Variants in DNAJA4 observed in about 807,000 individuals in gnomAD.
DNAJA4 encodes the protein DnaJ heat shock protein family (Hsp40) member A4.
Under a neutral mutation model 39.7 loss-of-function variants are expected in DNAJA4, and 32 were observed. The observed-to-expected ratio is 0.81, with a 90% confidence interval of 0.61 to 1.08. The LOEUF is 1.08. Among genes scored for constraint, DNAJA4 ranks in the 50% least tolerant of loss-of-function variants. The pLI, the probability that DNAJA4 is intolerant of heterozygous loss-of-function variation, is 0.00. For synonymous variants in DNAJA4, 184 were observed against 182.4 expected, an observed-to-expected ratio of 1.01 and a Z score of -0.07; for missense variants, 439 against 505.1, an observed-to-expected ratio of 0.87 and a Z score of 1.25.
chr15:78,270,265 T>C, intron 1 of DNAJA4: 1 of 460,072 alleles, frequency 2.2e-6, no homozygotes, highest in East Asian at 3.7e-5. Context: ...CTCTCCCTTA[T>C]TCTTATCGTG....
chr15:78,280,184 A>C lies in DNAJA4; in HGVS notation c.978+39A>C, dbSNP rs367900015. On this transcript the variant is annotated intron_variant, in intron 6 of 6. Transcript: ENST00000394852. ...GTTTCATTGTCATGGACATATTATT[A>C]AATGCCTTAATTGGAAGGGGAAAAA... is the stretch of plus-strand genomic sequence containing the variant. The C allele has an allele frequency of 2.5e-6, 4 of 1,610,900 alleles. No individual in the cohort carries two copies. In the African/African-American group the frequency reaches 5.3e-5, roughly 22 times the overall value.
chr15:78,270,410 C>CT lies in DNAJA4; in HGVS notation c.133-86dup, dbSNP rs1265072927. 2.1e-6 allele frequency: 3 copies of CT among 1,413,812 alleles called. No individual in the cohort carries two copies. The African/African-American group carries it at 4.3e-5, about 20-fold the overall frequency. The allele number at this position is 1,413,812 out of a possible 1,614,324, so 87.6% of individuals were successfully genotyped here. On this transcript the variant is annotated intron_variant, in intron 1 of 6. Transcript: ENST00000394852. ...TCAAGGGTTTGGGGGCAGAATACCT[C>CT]TATTACTTTGTATGTTTATATGGCA...
intron 2 of DNAJA4, among the ~76,000 whole-genome samples, chr15:78,271,946 G>T (rs1883555022): frequency 6.6e-6 from 1 of 152,106 alleles, no homozygotes; most frequent in African/African-American, 2.4e-5. Context: ...TTGACTTTGA[G>T]CTTGAAAAAG....
At chr15:78,264,367 A>G (rs1257233151), upstream of DNAJA4, 1 of 1,448,184 alleles carries the variant, frequency 6.9e-7, no homozygotes, top group Non-Finnish European at 9.0e-7. Flanking sequence ...ACGGGCAGCC[A>G]AAGGAGCAGA....
At chr15:78,277,771 C>G in intron 5 of DNAJA4, 1 of 321,104 alleles carries the variant, frequency 3.1e-6, no homozygotes, top group Non-Finnish European at 6.1e-6. Context: ...GAGCCGGGAG[C>G]CAAATGGAGT....
chr15:78,270,512 C>T lies in DNAJA4; in HGVS notation c.148C>T (p.Gln50Ter), dbSNP rs1767173771. 1 of 1,613,270 alleles carries T rather than the reference C, an allele frequency of 6.2e-7. No individual in the cohort carries two copies. Residue 50 changes from glutamine to a stop codon, truncating the protein, a stop_gained, in exon 2 of 7, where the codon CAG becomes TAG. Transcript: ENST00000394852. LOFTEE classifies it high-confidence loss of function. ...DEGEKFKLIS[Q>*]AYEVLSDPKK... ...TCTTTTAAAGTTTAAACTCATATCC[C>T]AGGCATATGAAGTGCTTTCAGATCC...
chr15:78,270,710 T>C (rs372860013), intron 2 of DNAJA4, 33 bp downstream of exon 2: 43 of 1,601,178 alleles, frequency 2.7e-5, no homozygotes, highest in Non-Finnish European at 3.2e-5. Context: ...AAATAAGTTG[T>C]ATGGTTTCCA....
At position 78,274,259 on chromosome 15, in the gene DNAJA4, A is replaced by T; in HGVS notation, c.481A>T (p.Ile161Phe). 6.2e-7 allele frequency: 1 copy of T among 1,614,116 alleles called. No homozygotes were observed. The highest frequency in any genetic ancestry group is 8.5e-7 in the Non-Finnish European group (1 of 1,180,028). Reference protein sequence around the residue: ...CPLCKGRGMQIHIQQIGPGMV... With the variant: ...CPLCKGRGMQFHIQQIGPGMV... ...GCTGTGCAAGGGGCGGGGGATGCAG[A>T]TCCACATCCAGCAGATCGGGCCGGG... Residue 161 changes from isoleucine to phenylalanine, a missense_variant, in exon 4 of 7, where the codon ATC becomes TTC. Transcript: ENST00000394852.
In DNAJA4 at chr15:78,279,617, A is replaced by G. The variant is rs2049593928; in HGVS notation, c.878-428A>G. The G allele has an allele frequency of 1.2e-5, 2 of 168,720 alleles. No homozygotes were observed. The highest frequency in any genetic ancestry group is 1.3e-5 in the Non-Finnish European group (1 of 77,352). 10.5% of individuals were successfully genotyped at this position (168,720 alleles called of 1,614,324 possible). A position where few individuals can be genotyped will look rare whatever the true frequency, so the allele number is the denominator to read the frequency against. On this transcript the variant is annotated intron_variant, in intron 5 of 6. Coordinates refer to ENST00000394852, the MANE Select transcript of DNAJA4 (RefSeq NM_001130182.2). The surrounding 1 kb of genome is among the most constrained non-coding windows in gnomAD (Gnocchi z 4.5). Reference sequence around the variant, plus strand: ...AGCCAGTTTTTATGCCAGGCAGGGGACTGGTTGGACTCTATTGAGGCTTCT... The same window carrying G: ...AGCCAGTTTTTATGCCAGGCAGGGGGCTGGTTGGACTCTATTGAGGCTTCT...
Position 78,280,390 on chromosome 15 carries a change from G to C in DNAJA4, c.1124G>C (p.Arg375Pro), listed in dbSNP as rs372391122. 6.2e-7 allele frequency: 1 copy of C among 1,614,128 alleles called. No individual in the cohort carries two copies. The highest frequency in any genetic ancestry group is 1.1e-5 in the South Asian group (1 of 91,054). Residue 375 changes from arginine to proline, a missense_variant, in exon 7 of 7, where the codon CGT becomes CCT. Arg to Pro is a moderately radical substitution (Grantham distance 103). Transcript: ENST00000394852. ...KEFCPNEQNW[R>P]QHREAYEEDE... ...TTTTGTCCCAATGAGCAGAACTGGC[G>C]TCAGCACAGGGAGGCCTACGAGGAG...
chr15:78,272,479 G>A (rs2049328992), intron 2 of DNAJA4, among the ~76,000 whole-genome samples: 2 of 152,232 alleles, frequency 1.3e-5, no homozygotes, highest in Admixed American at 6.5e-5. Context: ...CTCAGTGACT[G>A]CAGGAGCTCC....
upstream of DNAJA4, chr15:78,264,523 G>A: frequency 8.1e-7 from 1 of 1,233,662 alleles, no homozygotes. Context: ...GCTTCCGCCG[G>A]CGCCGAATAA....
At chr15:78,269,063 G>A (rs1243272107) in intron 1 of DNAJA4, among the ~76,000 whole-genome samples, 1 of 152,220 alleles carries the variant, frequency 6.6e-6, no homozygotes. Context: ...TTGAGGAACA[G>A]CAGGGAGCCT....
intron 2 of DNAJA4, 72 bp downstream of exon 2, chr15:78,270,749 A>G: frequency 2.0e-6 from 3 of 1,519,892 alleles, no homozygotes; most frequent in Non-Finnish European, 2.7e-6. Flanking sequence ...GAATCAGGAT[A>G]GATCATGCTT....
chr15:78,280,133 C>G lies in DNAJA4; in HGVS notation c.966C>G (p.Ile322Met). ...YKAPLEKGIL[I>M]IQFLVIFPEK... is the part of the protein sequence containing the mutation. Reference sequence around the variant, plus strand: ...CACCCCTGGAAAAAGGGATTCTGATCATACAGTTTTTAGTAAGTTCACTAT... The same window carrying G: ...CACCCCTGGAAAAAGGGATTCTGATGATACAGTTTTTAGTAAGTTCACTAT... Residue 322 changes from isoleucine to methionine, a missense_variant, in exon 6 of 7, where the codon ATC becomes ATG. Coordinates refer to ENST00000394852, the MANE Select transcript of DNAJA4 (RefSeq NM_001130182.2). 1 of 1,614,166 alleles carries G rather than the reference C, an allele frequency of 6.2e-7. No individual in the cohort carries two copies. Among genetic ancestry groups the G allele is most frequent in the Non-Finnish European group, 8.5e-7 (1 of 1,179,994 alleles).
intron 4 of DNAJA4, chr15:78,275,102 T>TGTGCAAGCTGACTTATTA (rs1350379897): frequency 1.5e-5 from 3 of 206,322 alleles, no homozygotes; most frequent in Non-Finnish European, 3.0e-5. Flanking sequence ...GTGCCTTGAG[T>TGTGCAAGCTGACTTATTA]GTGCAAGCTG....
At chr15:78,267,060 A>G (rs904073856) in intron 1 of DNAJA4, among the ~76,000 whole-genome samples, 2 of 152,100 alleles carry the variant, frequency 1.3e-5, no homozygotes, top group African/African-American at 4.8e-5. Context: ...TCATTCATTC[A>G]TTCATTCAAC....
chr15:78,270,769 A>G (rs1316784249), intron 2 of DNAJA4, 92 bp downstream of exon 2: 7 of 1,407,700 alleles, frequency 5.0e-6, no homozygotes, highest in Non-Finnish European at 6.8e-6. Flanking sequence ...TTAAAAGGAT[A>G]TGATTGGGCC....
At position 78,280,506 on chromosome 15, in the gene DNAJA4, T is replaced by C. The variant is rs1476465409; in HGVS notation, c.*46T>C. 1 of 1,495,456 alleles carries C rather than the reference T, an allele frequency of 6.7e-7. No individual in the cohort carries two copies. The highest frequency in any genetic ancestry group is 9.1e-7 in the Non-Finnish European group (1 of 1,099,474). 92.6% of individuals were successfully genotyped at this position (1,495,456 alleles called of 1,614,324 possible). A position where few individuals can be genotyped will look rare whatever the true frequency, so the allele number is the denominator to read the frequency against. On this transcript the variant is annotated 3_prime_UTR_variant, in exon 7 of 7. Transcript: ENST00000394852. ...CCCCACCGGACTAGCACATGATGAA[T>C]GTAAAGTTGGCACAATGAAAATGAC... is the stretch of plus-strand genomic sequence containing the variant.
Sources: gnomAD v4.1 joint callset for allele counts (sites outside exome capture counted in the v4.1 genomes callset) on GRCh38, gnomAD v4.1.1 for gene constraint, Gnocchi (gnomAD v3.1) non-coding constraint, MANE v1.5 for transcripts, NCBI Gene and HGNC (gene_info 2026-07-23, HGNC 2026-07-21) for gene names.